MSRA: variants seen among roughly 807,000 people sequenced by gnomAD.
MSRA encodes mitochondrial peptide methionine sulfoxide reductase.
Under a neutral mutation model 31.3 loss-of-function variants are expected in MSRA, and 54 were observed. That is an observed-to-expected ratio of 1.73 (90% CI 1.39 to 2.17). MSRA has a LOEUF of 2.17. MSRA is among the 30% of genes most tolerant of loss of function. The probability of loss-of-function intolerance (pLI) is 0.00; values close to 1 mark genes in which losing one functional copy is unlikely to be tolerated. For missense variants in MSRA, 507 were observed against 300.9 expected, an observed-to-expected ratio of 1.69 and a Z score of -5.07; for synonymous variants, 169 against 116.5, an observed-to-expected ratio of 1.45 and a Z score of -2.90.
intron 1 of MSRA, among the ~76,000 whole-genome samples, chr8:10,081,999 T>A (rs773647337): frequency 1.9e-4 from 29 of 152,072 alleles, no homozygotes; most frequent in Admixed American, 3.9e-4. Flanking sequence ...GCTCAGAGTT[T>A]GAGACTAGAC....
chr8:10,136,599 T>C (rs950640307), intron 1 of MSRA, among the ~76,000 whole-genome samples: 8 of 152,228 alleles, frequency 5.3e-5, no homozygotes, highest in African/African-American at 1.9e-4. Context: ...CTGTACATTG[T>C]AGCATATCTC....
chr8:10,292,871 G>A (rs1800320168), intron 3 of MSRA, among the ~76,000 whole-genome samples: 1 of 152,098 alleles, frequency 6.6e-6, no homozygotes, highest in African/African-American at 2.4e-5. Context: ...TGAGGGGTTA[G>A]CCTGGCCTGG....
chr8:10,428,182 C>T lies in MSRA; in HGVS notation c.578C>T (p.Thr193Ile). 6.2e-7 allele frequency: 1 copy of T among 1,614,112 alleles called. No individual in the cohort carries two copies. ...GAGCACGGCTTCGGCCCCATCACTA[C>T]CGACATCCGGGAGGGACAGACTTTC... ...LSEHGFGPIT[T>I]DIREGQTFYY... The change falls in exon 6 of 6, where the codon ACC becomes ATC. Residue 193 changes from threonine (T) to isoleucine (I), a missense_variant. Coordinates refer to ENST00000317173, the MANE Select transcript of MSRA (RefSeq NM_012331.5).
intron 5 of MSRA, among the ~76,000 whole-genome samples, chr8:10,398,169 C>T (rs9657539): frequency 0.32 from 48,113 of 152,098 alleles, 10,742 homozygotes; most frequent in East Asian, 0.76. Flanking sequence ...AGTAGCCTTT[C>T]CAACTCTAAG....
At chr8:10,288,450 T>C (rs747728948) in intron 3 of MSRA, among the ~76,000 whole-genome samples, 4 of 152,232 alleles carry the variant, frequency 2.6e-5, no homozygotes, top group Non-Finnish European at 5.9e-5. Flanking sequence ...GAGTTCCTAT[T>C]TGATATGTAC....
At chr8:10,374,656 C>T (rs895159181) in intron 5 of MSRA, among the ~76,000 whole-genome samples, 1 of 152,186 alleles carries the variant, frequency 6.6e-6, no homozygotes, top group African/African-American at 2.4e-5. Context: ...CAGAGTCTGA[C>T]AGTTTAGCGT....
chr8:10,162,648 C>A (rs555052904), intron 1 of MSRA, among the ~76,000 whole-genome samples: 1 of 152,270 alleles, frequency 6.6e-6, no homozygotes, highest in African/African-American at 2.4e-5. Flanking sequence ...TTTTACTATA[C>A]CATCTCATTT....
chr8:10,150,536 G>A lies in MSRA; in HGVS notation c.143-57297G>A, dbSNP rs78636102. The stretch of plus-strand genomic sequence containing the variant: ...CCATGTAATCAACGGCTTACTACAC[G>A]ATAATTATGACCAAAATGCCAATTA... On this transcript the variant is annotated intron_variant, in intron 1 of 5. Transcript: ENST00000317173. 3.7e-3 allele frequency among the ~76,000 whole-genome samples: 567 copies of A among 152,106 alleles called. 3 individuals are homozygous for A. Among genetic ancestry groups the A allele is most frequent in the Admixed American group, 6.2e-3 (95 of 15,284 alleles).
At chr8:10,282,054 G>C (rs1275985257) in intron 3 of MSRA, among the ~76,000 whole-genome samples, 1 of 152,136 alleles carries the variant, frequency 6.6e-6, no homozygotes. Flanking sequence ...CTCCCCCCAC[G>C]TACAATAGTG....
chr8:10,085,948 A>G (rs994455789), intron 1 of MSRA, among the ~76,000 whole-genome samples: 1 of 152,178 alleles, frequency 6.6e-6, no homozygotes, highest in East Asian at 1.9e-4. Context: ...CCTTAGTGGC[A>G]GCAGATAGAC....
At chr8:10,407,607 A>G (rs1328639845) in intron 5 of MSRA, among the ~76,000 whole-genome samples, 4 of 152,150 alleles carry the variant, frequency 2.6e-5, no homozygotes, top group African/African-American at 9.7e-5. Context: ...TTGGGAAAGG[A>G]AGGAGAATGT....
intron 5 of MSRA, among the ~76,000 whole-genome samples, chr8:10,333,964 C>G (rs1372087156): frequency 1.3e-5 from 2 of 152,188 alleles, no homozygotes; most frequent in African/African-American, 2.4e-5. Flanking sequence ...CCAACACATT[C>G]AGAGAATTTC....
At chr8:10,148,216 T>C (rs1803327306) in intron 1 of MSRA, among the ~76,000 whole-genome samples, 1 of 152,190 alleles carries the variant, frequency 6.6e-6, no homozygotes, top group Non-Finnish European at 1.5e-5. Flanking sequence ...CCTTCTTAAC[T>C]AATGTGATCC....
At position 10,428,229 on chromosome 8, in the gene MSRA, C is replaced by CAGCAGTACCTG. The variant is rs1288490489; in HGVS notation, c.630_640dup (p.Lys214SerfsTer3). 6.2e-7 allele frequency: 1 copy of CAGCAGTACCTG among 1,614,188 alleles called. No individual in the cohort carries two copies. On this transcript the variant is annotated frameshift_variant, in exon 6 of 6. Coordinates refer to ENST00000317173, the MANE Select transcript of MSRA (RefSeq NM_012331.5). LOFTEE classifies it high-confidence loss of function. ...TTTCTACTATGCGGAAGACTACCAC[C>CAGCAGTACCTG]AGCAGTACCTGAGCAAGAACCCCAA...
intron 3 of MSRA, among the ~76,000 whole-genome samples, chr8:10,290,196 G>A (rs1248174485): frequency 1.3e-5 from 2 of 152,260 alleles, no homozygotes; most frequent in African/African-American, 2.4e-5. Context: ...AAAAGCCATC[G>A]TGGAGGAGTG....
chr8:10,286,534 T>C (rs1184993978), intron 3 of MSRA, among the ~76,000 whole-genome samples: 1 of 152,228 alleles, frequency 6.6e-6, no homozygotes, highest in East Asian at 1.9e-4. Context: ...CTCTTTATTT[T>C]GTAAGTTGCC....
intron 1 of MSRA, among the ~76,000 whole-genome samples, chr8:10,151,505 C>G (rs1251396158): frequency 2.6e-5 from 4 of 152,004 alleles, no homozygotes; most frequent in African/African-American, 9.7e-5. Context: ...AAAAAATTAG[C>G]CGGGCGTGTT....
At chr8:10,139,298 A>T (rs1055400217) in intron 1 of MSRA, among the ~76,000 whole-genome samples, 1 of 152,224 alleles carries the variant, frequency 6.6e-6, no homozygotes, top group Admixed American at 6.5e-5. Flanking sequence ...ATGATAAAGC[A>T]ATATTCTTAA....
At chr8:10,082,840 C>T (rs540462578) in intron 1 of MSRA, among the ~76,000 whole-genome samples, 1 of 152,342 alleles carries the variant, frequency 6.6e-6, no homozygotes, top group East Asian at 1.9e-4. Flanking sequence ...ATCCCTGGAG[C>T]ACCCACCAAA....
Sources: allele counts gnomAD v4.1 joint callset (sites outside exome capture counted in the v4.1 genomes callset), GRCh38; gene constraint gnomAD v4.1.1; transcripts MANE v1.5; gene names NCBI Gene and HGNC (gene_info 2026-07-23, HGNC 2026-07-21).